ATG7: variants seen among roughly 807,000 people sequenced by gnomAD.
The protein encoded by ATG7 is ubiquitin-like modifier-activating enzyme ATG7.
A neutral mutation model predicts 82.4 loss-of-function variants in ATG7; 70 were observed. The ratio of observed to expected loss-of-function variants is 0.85; its 90% confidence interval spans 0.70 to 1.04. The LOEUF is 1.04. Ranked by LOEUF, ATG7 falls within the 50% of genes least tolerant of loss-of-function variation. The pLI, the probability that ATG7 is intolerant of heterozygous loss-of-function variation, is 0.00. For missense variants in ATG7, 792 were observed against 864.3 expected, an observed-to-expected ratio of 0.92 and a Z score of 1.05; for synonymous variants, 287 against 313.0, an observed-to-expected ratio of 0.92 and a Z score of 0.88.
rs145283409 is a variant in ATG7, at chr3:11,298,631, A to G, written c.-10-55A>G. 296 of 1,513,532 alleles carry G rather than the reference A, an allele frequency of 2.0e-4. No homozygotes were observed. In the African/African-American group the frequency reaches 3.6e-3, roughly 19 times the overall value. The allele number at this position is 1,513,532 out of a possible 1,614,324, so 93.8% of individuals were successfully genotyped here. On this transcript the variant is annotated intron_variant, in intron 3 of 20. Transcript: ENST00000693202. ...AACTTTATTACAAATGTTCTTTCTC[A>G]CCAGGTTTTGCATGGATATGTTATT...
Position 11,528,215 on chromosome 3 carries a change from A to G in ATG7, c.2080-26596A>G, listed in dbSNP as rs140948817. 1.5e-4 allele frequency among the ~76,000 whole-genome samples: 23 copies of G among 152,348 alleles called. No homozygotes were observed. In the East Asian group the frequency reaches 4.2e-3, roughly 28 times the overall value. On this transcript the variant is annotated intron_variant, in intron 20 of 20. Transcript: ENST00000693202. ...CTGAATCTTCTTTATAGCCTGCAACAATATTGACTTCATTCAACAAATATA... is the reference window on the plus strand; with the variant it reads ...CTGAATCTTCTTTATAGCCTGCAACGATATTGACTTCATTCAACAAATATA...
intron 5 of ATG7, 104 bp from the exon 6 acceptor site, chr3:11,306,839 C>A: frequency 1.2e-6 from 1 of 809,936 alleles, no homozygotes; most frequent in East Asian, 2.5e-5. Context: ...TCTGTTTGCC[C>A]TGCAGAGCAA....
chr3:11,386,166 C>T (rs868366478), intron 19 of ATG7, among the ~76,000 whole-genome samples: 5 of 152,108 alleles, frequency 3.3e-5, no homozygotes, highest in African/African-American at 7.2e-5. Context: ...CCACTCTGCC[C>T]GCCTTCATTT....
At chr3:11,530,038 G>C (rs192935710) in intron 20 of ATG7, among the ~76,000 whole-genome samples, 27 of 152,258 alleles carry the variant, frequency 1.8e-4, no homozygotes, top group Non-Finnish European at 3.5e-4. Flanking sequence ...CTTCTACTTG[G>C]ATCAGAGGTG....
At chr3:11,480,373 C>G (rs897951940) in intron 20 of ATG7, among the ~76,000 whole-genome samples, 1 of 152,040 alleles carries the variant, frequency 6.6e-6, no homozygotes, top group Non-Finnish European at 1.5e-5. Flanking sequence ...CCTGTCTCTA[C>G]AAAAACATTT....
At chr3:11,498,370 T>C (rs2091025847) in intron 20 of ATG7, among the ~76,000 whole-genome samples, 1 of 152,196 alleles carries the variant, frequency 6.6e-6, no homozygotes. Flanking sequence ...GCACTGCTGC[T>C]GAAGAAGCGG....
At chr3:11,445,316 T>C (rs1486733574) in intron 20 of ATG7, among the ~76,000 whole-genome samples, 1 of 152,192 alleles carries the variant, frequency 6.6e-6, no homozygotes, top group Non-Finnish European at 1.5e-5. Flanking sequence ...TGCCCATCAG[T>C]GGTAGACTGG....
intron 20 of ATG7, among the ~76,000 whole-genome samples, chr3:11,489,494 T>TAC (rs2090131922): frequency 6.8e-6 from 1 of 146,562 alleles, no homozygotes; most frequent in Non-Finnish European, 1.5e-5. Flanking sequence ...GTTCTGCTCT[T>TAC]TAGTTATTTC....
At chr3:11,566,088 A>C in the ATG7 span, among the ~76,000 whole-genome samples, 1 of 152,232 alleles carries the variant, frequency 6.6e-6, no homozygotes, top group Admixed American at 6.5e-5. Context: ...AGAAAAGCCT[A>C]GGCCTGCCCT....
chr3:11,499,360 C>T (rs1341450816), intron 20 of ATG7, among the ~76,000 whole-genome samples: 3 of 152,126 alleles, frequency 2.0e-5, no homozygotes, highest in Non-Finnish European at 4.4e-5. Context: ...AGAAGGAATG[C>T]AGATTGAACT....
At chr3:11,488,200 G>A (rs1316340412) in intron 20 of ATG7, 2 of 154,390 alleles carry the variant, frequency 1.3e-5, no homozygotes, top group African/African-American at 9.6e-5. Context: ...CATCCCAGAC[G>A]ATGGGCGGCC....
At chr3:11,542,227 C>A (rs2070889638) in intron 20 of ATG7, among the ~76,000 whole-genome samples, 1 of 152,210 alleles carries the variant, frequency 6.6e-6, no homozygotes, top group South Asian at 2.1e-4. Flanking sequence ...TTGGACAAGC[C>A]CTTGCACTTA....
In ATG7 at chr3:11,342,482, A is replaced by G. The variant is rs1264919657; in HGVS notation, c.1125+203A>G. On this transcript the variant is annotated intron_variant, in intron 13 of 20. Coordinates refer to ENST00000693202, the MANE Select transcript of ATG7 (RefSeq NM_001349232.2). ...TAGAAACAGAAAGTCCTCCACACCC[A>G]TCGCAAGTCCCATTTCCTATTAAGC... Among the ~76,000 whole-genome samples, 7 of 152,242 alleles carry G rather than the reference A, an allele frequency of 4.6e-5. No individual in the cohort carries two copies. In the South Asian group the frequency reaches 8.3e-4, roughly 18 times the overall value.
intron 19 of ATG7, among the ~76,000 whole-genome samples, chr3:11,402,258 C>T (rs139924097): frequency 2.0e-3 from 303 of 152,178 alleles, no homozygotes; most frequent in African/African-American, 6.7e-3. Flanking sequence ...ATGGTGAAAC[C>T]CGGTTTCTAC....
At chr3:11,486,488 G>C (rs1455480745) in intron 20 of ATG7, among the ~76,000 whole-genome samples, 3 of 151,600 alleles carry the variant, frequency 2.0e-5, no homozygotes, top group Non-Finnish European at 4.4e-5. Context: ...TGCAAACAGG[G>C]ACAATTTGAC....
chr3:11,345,690 G>A (rs1356436451), intron 13 of ATG7, among the ~76,000 whole-genome samples: 1 of 151,582 alleles, frequency 6.6e-6, no homozygotes, highest in African/African-American at 2.4e-5. Context: ...TTTTTTTGGA[G>A]CATTACTTTA....
At chr3:11,340,791 C>G in intron 12 of ATG7, 56 bp downstream of exon 12, 1 of 1,475,562 alleles carries the variant, frequency 6.8e-7, no homozygotes, top group Non-Finnish European at 9.4e-7. Context: ...AGACACACAC[C>G]AAGTTCTGTC....
At position 11,312,191 on chromosome 3, in the gene ATG7, A is replaced by G. The variant is rs150949511; in HGVS notation, c.412-1113A>G. On this transcript the variant is annotated intron_variant, in intron 7 of 20. Coordinates refer to ENST00000693202, the MANE Select transcript of ATG7 (RefSeq NM_001349232.2). ...TATGGAACGTAAATTATATCTCAAT[A>G]AAAAGTCATCTAACAACCATCCAAT... is the stretch of plus-strand genomic sequence containing the variant. 4.0e-3 allele frequency among the ~76,000 whole-genome samples: 611 copies of G among 152,298 alleles called. 5 individuals are homozygous for G. Among genetic ancestry groups the G allele is most frequent in the African/African-American group, 0.014 (577 of 41,560 alleles).
intron 20 of ATG7, among the ~76,000 whole-genome samples, chr3:11,538,157 A>G (rs2070481319): frequency 6.6e-6 from 1 of 152,162 alleles, no homozygotes; most frequent in Non-Finnish European, 1.5e-5. Context: ...TCTAGAGGCA[A>G]GTGGTCAGAG....
Sources: allele counts gnomAD v4.1 joint callset (sites outside exome capture counted in the v4.1 genomes callset), GRCh38; gene constraint gnomAD v4.1.1; transcripts MANE v1.5; gene names NCBI Gene and HGNC (gene_info 2026-07-23, HGNC 2026-07-21).